CD244: variants seen among roughly 807,000 people sequenced by gnomAD.
CD244 encodes natural killer cell receptor 2B4.
A neutral mutation model predicts 45.5 loss-of-function variants in CD244; 20 were observed. The ratio of observed to expected loss-of-function variants is 0.44; its 90% CI spans 0.31 to 0.64. CD244 has a LOEUF of 0.64. Among genes scored for constraint, CD244 ranks in the 30% least tolerant of loss-of-function variants. The pLI is 0.08. For missense variants in CD244, 407 were observed against 426.9 expected, an observed-to-expected ratio of 0.95 and a Z score of 0.41; for synonymous variants, 185 against 160.5, an observed-to-expected ratio of 1.15 and a Z score of -1.15.
chr1:160,839,101 C>G lies in CD244; in HGVS notation c.656-52G>C, dbSNP rs762454823. On this transcript the variant is annotated intron_variant, in intron 3 of 8. Transcript: ENST00000368034. The stretch of plus-strand genomic sequence containing the variant: ...TGAGCTGTCAGCTCGCTCTCTTCTT[C>G]CTTCCCACCTGCCTGCTGCAGGGGC... The G allele has an allele frequency of 7.5e-6, 10 of 1,334,832 alleles. No homozygotes were observed. The East Asian group carries it at 2.3e-4, about 31-fold the overall frequency. 82.7% of individuals were successfully genotyped at this position (1,334,832 alleles called of 1,614,324 possible). A position where few individuals can be genotyped will look rare whatever the true frequency, so the allele number is the denominator to read the frequency against.
chr1:160,838,087 G>T (rs190781216), intron 5 of CD244, among the ~76,000 whole-genome samples: 36 of 152,256 alleles, frequency 2.4e-4, no homozygotes, highest in Middle Eastern at 3.4e-3. Flanking sequence ...CACCATTAAG[G>T]GACTCATGAA....
intron 1 of CD244, among the ~76,000 whole-genome samples, chr1:160,847,672 T>TA (rs1669781744): frequency 6.6e-6 from 1 of 152,190 alleles, no homozygotes; most frequent in Non-Finnish European, 1.5e-5. Context: ...GTATCAAATG[T>TA]GCAATATAGC....
At chr1:160,854,051 T>C (rs1670017924) in intron 1 of CD244, among the ~76,000 whole-genome samples, 1 of 152,094 alleles carries the variant, frequency 6.6e-6, no homozygotes, top group Non-Finnish European at 1.5e-5. Context: ...AGTAGCATGG[T>C]TAAGGGAACA....
chr1:160,851,958 A>G (rs1669934096), intron 1 of CD244, among the ~76,000 whole-genome samples: 1 of 152,240 alleles, frequency 6.6e-6, no homozygotes, highest in Non-Finnish European at 1.5e-5. Flanking sequence ...GAAAGACAAC[A>G]TTGAGAGAGT....
Position 160,858,565 on chromosome 1 carries a change from T to C in CD244, c.61+4052A>G, listed in dbSNP as rs76262537. 5.6e-3 allele frequency among the ~76,000 whole-genome samples: 856 copies of C among 152,274 alleles called. 4 individuals are homozygous for C. The highest frequency in any genetic ancestry group is 8.5e-3 in the Non-Finnish European group (581 of 68,018). On this transcript the variant is annotated intron_variant, in intron 1 of 8. Transcript: ENST00000368034. ...CCCAGGCCTATTCCCTGGGCAATGA[T>C]TTGAAGATCCCTCCTTCCCAATATG... is the stretch of plus-strand genomic sequence containing the variant.
chr1:160,838,795 C>T, intron 4 of CD244, 144 bp downstream of exon 4: 2 of 638,450 alleles, frequency 3.1e-6, no homozygotes, highest in South Asian at 2.0e-5. Flanking sequence ...CTGCTTGCCC[C>T]CCGCCACCAC....
intron 1 of CD244, chr1:160,848,493 G>A (rs1669812408): frequency 1.1e-5 from 6 of 522,860 alleles, no homozygotes; most frequent in South Asian, 7.3e-5. Context: ...GCTGAGTGTA[G>A]ACAACTCTAA....
intron 1 of CD244, among the ~76,000 whole-genome samples, chr1:160,857,591 ATTGTGGCTAT>A (rs1299778676): frequency 6.6e-6 from 1 of 152,252 alleles, no homozygotes; most frequent in East Asian, 1.9e-4. Flanking sequence ...AGAAGTCAGA[ATTGTGGCTAT>A]ATTTATGGAA....
chr1:160,833,522 C>G (rs1669213918), intron 7 of CD244, among the ~76,000 whole-genome samples: 2 of 152,232 alleles, frequency 1.3e-5, no homozygotes, highest in Non-Finnish European at 2.9e-5. Context: ...GCTACGAACT[C>G]AGCTTGGAGA....
rs760407696 is a variant in CD244, at chr1:160,838,941, G to C, written c.764C>G (p.Ser255Ter). ...CACCCTAAGGACCTTCCACTCACCT[G>C]ACTGCTTCTCCTTCCTCTTTCTCCT... Reference protein sequence around the residue: ...VWRRKRKEKQSETSPKEFLTI... With the variant: ...VWRRKRKEKQ Residue 255 changes from serine to a stop codon, truncating the protein, a stop_gained and splice_region_variant, in exon 4 of 9, where the codon TCA (serine) becomes TGA (stop). Coordinates refer to ENST00000368034, the MANE Select transcript of CD244 (RefSeq NM_016382.4). LOFTEE classifies it high-confidence loss of function. The C allele has an allele frequency of 3.1e-6, 5 of 1,610,316 alleles. No individual in the cohort carries two copies. Among genetic ancestry groups the C allele is most frequent in the Non-Finnish European group, 4.2e-6 (5 of 1,176,952 alleles).
rs574134986 is a variant in CD244, at chr1:160,859,585, AT to A, written c.61+3031del. On this transcript the variant is annotated intron_variant, in intron 1 of 8. Coordinates refer to ENST00000368034, the MANE Select transcript of CD244 (RefSeq NM_016382.4). ...CTGCTGTCAATGGGCACAGAAAAAA[AT>A]TTTTTTAAAGAAAAAATAATTTTAA... 1.9e-3 allele frequency among the ~76,000 whole-genome samples: 290 copies of A among 152,244 alleles called. 4 individuals carry two copies. The South Asian group carries it at 0.029, about 15-fold the overall frequency.
intron 8 of CD244, among the ~76,000 whole-genome samples, 189 bp downstream of exon 8, chr1:160,832,330 G>A (rs549940224): frequency 2.6e-5 from 4 of 152,106 alleles, no homozygotes; most frequent in Non-Finnish European, 5.9e-5. Flanking sequence ...ATGATCTTGG[G>A]TCAGACCCTC....
chr1:160,838,390 A>G (rs1669405620), intron 5 of CD244, 61 bp downstream of exon 5: 3 of 1,184,796 alleles, frequency 2.5e-6, no homozygotes, highest in East Asian at 2.3e-5. Flanking sequence ...CTGAATAACC[A>G]TCATTGAAAG....
chr1:160,846,262 C>T (rs920513325), intron 1 of CD244, among the ~76,000 whole-genome samples: 5 of 152,124 alleles, frequency 3.3e-5, no homozygotes, highest in Admixed American at 2.0e-4. Context: ...GCCTTTGCAT[C>T]CTCGTAGCTT....
chr1:160,854,551 C>A (rs1041146015), intron 1 of CD244, among the ~76,000 whole-genome samples: 1 of 141,682 alleles, frequency 7.1e-6, no homozygotes, highest in South Asian at 2.3e-4. Context: ...CCCAGCTATT[C>A]TTTTTTTTTT....
At chr1:160,836,170 T>C in intron 6 of CD244, 25 bp downstream of exon 6, 2 of 1,586,502 alleles carry the variant, frequency 1.3e-6, no homozygotes, top group Non-Finnish European at 1.7e-6. Flanking sequence ...AGGTATGGAA[T>C]GGACTAGAGA....
At chr1:160,835,529 T>G (rs977501058) in intron 6 of CD244, among the ~76,000 whole-genome samples, 1 of 152,154 alleles carries the variant, frequency 6.6e-6, no homozygotes, top group Non-Finnish European at 1.5e-5. Context: ...GGAGGATCAC[T>G]TGAGGCCGGG....
rs35151948 is a variant in CD244 at position 160,840,131 on chromosome 1, C to CT, written c.655+1078dup. Among the ~76,000 whole-genome samples the CT allele has an allele frequency of 4.8e-3, 667 of 138,790 alleles. 5 individuals carry two copies. The highest frequency in any genetic ancestry group is 0.014 in the African/African-American group (517 of 38,020). 91.1% of individuals were successfully genotyped at this position (138,790 alleles called of 152,430 possible). A position where few individuals can be genotyped will look rare whatever the true frequency, so the allele number is the denominator to read the frequency against. On this transcript the variant is annotated intron_variant, in intron 3 of 8. Coordinates refer to ENST00000368034, the MANE Select transcript of CD244 (RefSeq NM_016382.4). ...GAATCTGCCAGAGATCACAGAGCTTCTTTTTTTTTTTTTTTTAAATAGAGA... is the reference window on the plus strand; with the variant it reads ...GAATCTGCCAGAGATCACAGAGCTTCTTTTTTTTTTTTTTTTTAAATAGAGA...
chr1:160,842,410 T>C (rs1483940966), intron 1 of CD244, among the ~76,000 whole-genome samples: 1 of 151,990 alleles, frequency 6.6e-6, no homozygotes, highest in African/African-American at 2.4e-5. Context: ...GGGAGCTTAT[T>C]TGTTTACTCT....
Sources: allele counts gnomAD v4.1 joint callset (sites outside exome capture counted in the v4.1 genomes callset), GRCh38; gene constraint gnomAD v4.1.1; transcripts MANE v1.5; gene names NCBI Gene and HGNC (gene_info 2026-07-23, HGNC 2026-07-21).